Variants in DHX57 observed in about 807,000 individuals in gnomAD.
DHX57 encodes the protein DExH-box helicase 57.
In DHX57, 105 loss-of-function variants were observed where a neutral mutation model predicts 156.2. That is an observed-to-expected ratio of 0.67 (90% CI 0.57 to 0.79). DHX57 has a LOEUF of 0.79. DHX57 is among the 30% of genes least tolerant of loss of function. DHX57 has a pLI of 0.00. For missense variants in DHX57, 1,847 were observed against 1,661.9 expected (o/e 1.11, Z -1.94); for synonymous variants, 704 against 595.6 (o/e 1.18, Z -2.65).
At chr2:38,832,545 ATAT>A (rs965087175) in intron 13 of DHX57, among the ~76,000 whole-genome samples, 1 of 24,778 alleles carries the variant, frequency 4.0e-5, no homozygotes, top group African/African-American at 5.3e-5. Flanking sequence ...ATATATATAT[ATAT>A]ATATTTTTTT....
Position 38,816,197 on chromosome 2 carries a change from G to A in DHX57, c.3472-542C>T, listed in dbSNP as rs762443890. On this transcript the variant is annotated intron_variant, in intron 19 of 23. Coordinates refer to ENST00000457308, the MANE Select transcript of DHX57 (RefSeq NM_198963.3). ...GCTCATCTCTTTTCCTAGGAATAGG[G>A]ACATCATTAAGTGATTCAATATTTT... 3 of 470,786 alleles carry A rather than the reference G, an allele frequency of 6.4e-6. No homozygotes were observed. The Admixed American group carries it at 7.1e-5, about 11-fold the overall frequency. The allele number at this position is 470,786 out of a possible 1,614,324, so 29.2% of individuals were successfully genotyped here.
In DHX57 at chr2:38,838,096, CT is replaced by C. The variant is rs1455701245; in HGVS notation, c.2426-150del. On this transcript the variant is annotated intron_variant, in intron 12 of 23. Coordinates refer to ENST00000457308, the MANE Select transcript of DHX57 (RefSeq NM_198963.3). ...TTAACATTTAATGTACTGAAATGAA[CT>C]TTTTTCTTTTCTTTATTTAGAGACA... The C allele has an allele frequency of 9.8e-6, 6 of 614,324 alleles. No individual in the cohort carries two copies. In the East Asian group the frequency reaches 1.1e-4, roughly 12 times the overall value. The allele number at this position is 614,324 out of a possible 1,614,324, so 38.1% of individuals were successfully genotyped here.
intron 6 of DHX57, among the ~76,000 whole-genome samples, chr2:38,857,800 C>G (rs567462990): frequency 6.6e-6 from 1 of 152,192 alleles, no homozygotes. Context: ...ACTAGCTATG[C>G]GATCTTGGGC....
In DHX57 at chr2:38,816,995, T is replaced by C. The variant is rs1435037014; in HGVS notation, c.3472-1340A>G. On this transcript the variant is annotated intron_variant, in intron 19 of 23. Transcript: ENST00000457308. The stretch of plus-strand genomic sequence containing the variant: ...TAATGACTTGAGAAAATATTTCTTA[T>C]TGCCCTGTACATATAAACACAGCCC... Among the ~76,000 whole-genome samples the C allele has an allele frequency of 5.3e-5, 8 of 152,218 alleles. 1 individual carries two copies. Among genetic ancestry groups the C allele is most frequent in the African/African-American group, 1.9e-4 (8 of 41,452 alleles).
At chr2:38,803,788 CT>C (rs35988170) in intron 22 of DHX57, among the ~76,000 whole-genome samples, 80,315 of 143,582 alleles carry the variant, frequency 0.56, 23,321 homozygotes, top group East Asian at 0.81. Flanking sequence ...CACACCCAGC[CT>C]TTTTTTTTTT....
At chr2:38,867,265 A>G (rs1002186465) in intron 2 of DHX57, 14 of 152,334 alleles carry the variant, frequency 9.2e-5, no homozygotes, top group Admixed American at 7.8e-4. Flanking sequence ...ACAACAATGA[A>G]ATTGCCTAAC....
At chr2:38,862,749 T>C (rs1287217746) in intron 3 of DHX57, 1 of 156,422 alleles carries the variant, frequency 6.4e-6, no homozygotes, top group Non-Finnish European at 1.4e-5. Context: ...CTCTCTCTTC[T>C]CATTCATAAA....
chr2:38,809,485 G>A (rs1377100995), intron 21 of DHX57, among the ~76,000 whole-genome samples: 7 of 145,152 alleles, frequency 4.8e-5, no homozygotes, highest in East Asian at 4.1e-4. Context: ...TTTTTTAGAC[G>A]GAGTCTTGCT....
chr2:38,798,434 T>C lies in DHX57; in HGVS notation c.4026A>G (p.Glu1342=). ...GTTCGCAACGAAGCTCCTTTACCAGTTCAGCCACCTAAAATGAAAGCTACA... is the reference window on the plus strand; with the variant it reads ...GTTCGCAACGAAGCTCCTTTACCAGCTCAGCCACCTAAAATGAAAGCTACA... ...RFVAASHQVA[E]LVKELRCELD... The change falls in exon 24 of 24, where the codon GAA becomes GAG. Residue 1342 remains glutamate (E), a synonymous_variant. Coordinates refer to ENST00000457308, the MANE Select transcript of DHX57 (RefSeq NM_198963.3). The C allele has an allele frequency of 6.2e-7, 1 of 1,609,766 alleles. No homozygotes were observed. Among genetic ancestry groups the C allele is most frequent in the South Asian group, 1.1e-5 (1 of 90,266 alleles).
At chr2:38,807,622 G>C (rs1307745047) in intron 21 of DHX57, among the ~76,000 whole-genome samples, 1 of 151,984 alleles carries the variant, frequency 6.6e-6, no homozygotes, top group South Asian at 2.1e-4. Context: ...CTCCCAAAAT[G>C]CTGGGATTAC....
chr2:38,842,921 T>C (rs1672085511), intron 12 of DHX57, 84 bp downstream of exon 12: 27 of 1,434,426 alleles, frequency 1.9e-5, no homozygotes, highest in Non-Finnish European at 2.3e-5. Flanking sequence ...ACAAGAATCA[T>C]ATTTTTCTTC....
intron 13 of DHX57, 32 bp downstream of exon 13, chr2:38,837,799 T>C: frequency 7.5e-7 from 1 of 1,331,786 alleles, no homozygotes; most frequent in Non-Finnish European, 1.1e-6. Context: ...GTGTTTCAAT[T>C]GTCATTCAAG....
intron 17 of DHX57, among the ~76,000 whole-genome samples, chr2:38,821,383 C>T (rs573154170): frequency 3.9e-5 from 6 of 151,920 alleles, no homozygotes; most frequent in Non-Finnish European, 7.4e-5. Context: ...AAATAAAGAA[C>T]GGAAAAACAA....
intron 21 of DHX57, among the ~76,000 whole-genome samples, chr2:38,807,368 T>A (rs1670004830): frequency 6.6e-6 from 1 of 151,706 alleles, no homozygotes; most frequent in Non-Finnish European, 1.5e-5. Context: ...AAATATAACT[T>A]TTTTTTTGAG....
At chr2:38,838,732 C>G in intron 12 of DHX57, 1 of 452,968 alleles carries the variant, frequency 2.2e-6, no homozygotes, top group Admixed American at 2.4e-5. Flanking sequence ...ACTCGCTGAA[C>G]CTTTAGGTTC....
chr2:38,863,020 T>G (rs1673315069), intron 3 of DHX57: 1 of 187,260 alleles, frequency 5.3e-6, no homozygotes, highest in Admixed American at 5.6e-5. Flanking sequence ...ATCCTAAGAC[T>G]GCACCTGACC....
At chr2:38,843,493 G>A (rs908725693) in intron 11 of DHX57, among the ~76,000 whole-genome samples, 1 of 152,154 alleles carries the variant, frequency 6.6e-6, no homozygotes, top group Non-Finnish European at 1.5e-5. Flanking sequence ...TATAGCCTTA[G>A]TAACACCCCT....
chr2:38,875,583 G>T (rs1165534428), intron 1 of DHX57, among the ~76,000 whole-genome samples: 1 of 149,848 alleles, frequency 6.7e-6, no homozygotes, highest in African/African-American at 2.5e-5. Context: ...GGCAGAGCCC[G>T]CCTTGGTTCG....
chr2:38,845,905 G>A (rs930784858), intron 11 of DHX57, among the ~76,000 whole-genome samples: 3 of 142,670 alleles, frequency 2.1e-5, no homozygotes, highest in Non-Finnish European at 3.0e-5. Flanking sequence ...TTACTCTGCC[G>A]CCCAGGCTGG....
Sources: allele counts gnomAD v4.1 joint callset (sites outside exome capture counted in the v4.1 genomes callset), GRCh38; gene constraint gnomAD v4.1.1; transcripts MANE v1.5; gene names NCBI Gene and HGNC (gene_info 2026-07-23, HGNC 2026-07-21).